The following DCC variants were observed in gnomAD, a reference collection of about 807,000 sequenced individuals.
DCC encodes the protein DCC netrin 1 receptor.
Under a neutral mutation model 172.5 loss-of-function variants are expected in DCC, and 58 were observed. That is an observed-to-expected ratio of 0.34 (90% CI 0.27 to 0.42). DCC has a LOEUF of 0.42. DCC is among the 10% of genes least tolerant of loss of function. The pLI, the probability that DCC is intolerant of heterozygous loss-of-function variation, is 1.00. For missense variants in DCC, 1,740 were observed against 1,791.0 expected, an observed-to-expected ratio of 0.97 and a Z score of 0.51; for synonymous variants, 709 against 644.5, an observed-to-expected ratio of 1.10 and a Z score of -1.52.
intron 12 of DCC, among the ~76,000 whole-genome samples, chr18:53,223,000 T>G (rs2055966633): frequency 1.3e-5 from 2 of 151,812 alleles, no homozygotes; most frequent in Admixed American, 6.6e-5. Flanking sequence ...AAAAATAAAT[T>G]TATGGAAAGC....
Position 52,781,929 on chromosome 18 carries a change from G to T in DCC, c.412+29555G>T, listed in dbSNP as rs144953869. On this transcript the variant is annotated intron_variant, in intron 2 of 28. Transcript: ENST00000442544. ...TTGAATGTTTAAACATACTTGGTCA[G>T]TTGAAGAGAATGACTTTCTTCATTA... Among the ~76,000 whole-genome samples, 473 of 152,220 alleles carry T rather than the reference G, an allele frequency of 3.1e-3. 1 individual carries two copies. The highest frequency in any genetic ancestry group is 0.014 in the Middle Eastern group (4 of 294).
chr18:52,443,534 T>C (rs771360771), intron 1 of DCC, among the ~76,000 whole-genome samples: 3 of 152,098 alleles, frequency 2.0e-5, no homozygotes, highest in Non-Finnish European at 4.4e-5. Flanking sequence ...GAAGAATGCA[T>C]AGGAGTTTCC....
chr18:53,130,915 G>C (rs531338397), intron 7 of DCC, among the ~76,000 whole-genome samples: 5 of 152,030 alleles, frequency 3.3e-5, no homozygotes, highest in Non-Finnish European at 5.9e-5. Context: ...AATTGTACAC[G>C]GGATGTTCAG....
At chr18:53,365,906 G>A (rs2058000209) in intron 15 of DCC, among the ~76,000 whole-genome samples, 1 of 152,114 alleles carries the variant, frequency 6.6e-6, no homozygotes, top group African/African-American at 2.4e-5. Flanking sequence ...TTATGTTCTC[G>A]TTTACAGAGG....
chr18:52,839,179 C>T (rs1007375958), intron 2 of DCC, among the ~76,000 whole-genome samples: 23 of 152,084 alleles, frequency 1.5e-4, no homozygotes, highest in African/African-American at 5.3e-4. Context: ...AATGAATCAA[C>T]CTATTCAATA....
chr18:52,772,603 G>A (rs1051010117), intron 2 of DCC, among the ~76,000 whole-genome samples: 1 of 152,228 alleles, frequency 6.6e-6, no homozygotes, highest in Non-Finnish European at 1.5e-5. Flanking sequence ...AGAGCCAGCT[G>A]TATTTTCTCC....
intron 2 of DCC, among the ~76,000 whole-genome samples, chr18:52,780,488 A>G (rs2037518384): frequency 1.3e-5 from 2 of 152,194 alleles, no homozygotes; most frequent in Admixed American, 1.3e-4. Context: ...AGAGAAAGGC[A>G]TTCACATTTA....
intron 9 of DCC, among the ~76,000 whole-genome samples, chr18:53,199,813 A>G (rs1366029528): frequency 3.9e-5 from 6 of 152,164 alleles, no homozygotes; most frequent in Non-Finnish European, 8.8e-5. Context: ...TATTTTATAT[A>G]TGAAATATAT....
chr18:53,515,821 C>G (rs1208437207), intron 27 of DCC, among the ~76,000 whole-genome samples: 1 of 152,020 alleles, frequency 6.6e-6, no homozygotes, highest in South Asian at 2.1e-4. Context: ...AATGGAAGAA[C>G]ATTCCATGCT....
chr18:52,618,162 C>T (rs1218184872), intron 1 of DCC, among the ~76,000 whole-genome samples: 4 of 151,930 alleles, frequency 2.6e-5, no homozygotes, highest in Admixed American at 6.6e-5. Flanking sequence ...ACCTGACTCA[C>T]ATTAGAAGGG....
At chr18:53,151,646 A>G (rs576488826) in intron 7 of DCC, among the ~76,000 whole-genome samples, 1 of 149,578 alleles carries the variant, frequency 6.7e-6, no homozygotes, top group Non-Finnish European at 1.5e-5. Flanking sequence ...ATTAAAAACA[A>G]ATAAATAAAT....
At chr18:53,318,077 T>C (rs2057363685) in intron 13 of DCC, among the ~76,000 whole-genome samples, 1 of 152,198 alleles carries the variant, frequency 6.6e-6, no homozygotes, top group Admixed American at 6.5e-5. Context: ...GATATTAGGG[T>C]GTCGATTTGA....
At chr18:53,058,732 C>T (rs775020645) in intron 5 of DCC, among the ~76,000 whole-genome samples, 2 of 152,156 alleles carry the variant, frequency 1.3e-5, no homozygotes, top group African/African-American at 4.8e-5. Context: ...CTGATAGAGC[C>T]ACTTCCACTG....
chr18:53,304,222 T>C (rs2057173639), intron 12 of DCC, among the ~76,000 whole-genome samples: 2 of 152,058 alleles, frequency 1.3e-5, no homozygotes, highest in South Asian at 4.1e-4. Flanking sequence ...GAATGACTGT[T>C]CTCATTTAGG....
At chr18:52,848,730 A>G (rs1276891224) in intron 2 of DCC, among the ~76,000 whole-genome samples, 1 of 152,194 alleles carries the variant, frequency 6.6e-6, no homozygotes, top group Non-Finnish European at 1.5e-5. Context: ...ACCCAACAAC[A>G]TTTATGGAAT....
intron 2 of DCC, among the ~76,000 whole-genome samples, chr18:52,843,156 T>C (rs1289902268): frequency 6.6e-6 from 1 of 152,174 alleles, no homozygotes; most frequent in Non-Finnish European, 1.5e-5. Context: ...ACTTGTATCT[T>C]TTTTTGCATA....
intron 2 of DCC, among the ~76,000 whole-genome samples, chr18:52,861,136 G>A (rs139428978): frequency 1.6e-3 from 238 of 152,142 alleles, no homozygotes; most frequent in African/African-American, 5.3e-3. Context: ...GACTGTGCCC[G>A]TAACACTTAC....
chr18:52,802,344 T>G (rs1020375215), intron 2 of DCC, among the ~76,000 whole-genome samples: 1 of 152,086 alleles, frequency 6.6e-6, no homozygotes, highest in Non-Finnish European at 1.5e-5. Context: ...AGAAGGAATT[T>G]AAGGTGTGTG....
chr18:53,114,672 GAC>G (rs2043385329), intron 7 of DCC, among the ~76,000 whole-genome samples: 1 of 151,514 alleles, frequency 6.6e-6, no homozygotes, highest in Non-Finnish European at 1.5e-5. Context: ...GTGGGTTATT[GAC>G]ATGCAGATCA....
Sources: allele counts gnomAD v4.1 joint callset (sites outside exome capture counted in the v4.1 genomes callset), GRCh38; gene constraint gnomAD v4.1.1; transcripts MANE v1.5; gene names NCBI Gene and HGNC (gene_info 2026-07-23, HGNC 2026-07-21).